SNAP29: variants seen among roughly 807,000 people sequenced by gnomAD.
SNAP29 encodes synaptosome associated protein 29, also known as synaptosomal-associated protein 29.
SNAP29 carries 13 observed loss-of-function variants against 27.9 expected under a neutral mutation model. That is an observed-to-expected ratio of 0.47 (90% CI 0.30 to 0.74). The LOEUF (loss-of-function observed/expected upper bound fraction) is 0.74. Among genes scored for constraint, SNAP29 ranks in the 30% least tolerant of loss-of-function variants. SNAP29 has a pLI of 0.06. For missense variants in SNAP29, 368 were observed against 336.5 expected, an observed-to-expected ratio of 1.09 and a Z score of -0.73; for synonymous variants, 119 against 127.1, an observed-to-expected ratio of 0.94 and a Z score of 0.43.
chr22:20,880,008 ATC>A (rs1928853805), intron 2 of SNAP29, among the ~76,000 whole-genome samples: 1 of 102,888 alleles, frequency 9.7e-6, no homozygotes, highest in Non-Finnish European at 2.0e-5. Context: ...GAGAGACCCT[ATC>A]TCAAACAACA....
At chr22:20,870,285 C>T in intron 1 of SNAP29, 52 bp from the exon 2 acceptor site, 2 of 1,573,262 alleles carry the variant, frequency 1.3e-6, no homozygotes, top group Non-Finnish European at 1.7e-6. Flanking sequence ...CTTGACTGCC[C>T]TGGGGGAGAG....
chr22:20,875,465 T>G (rs13054007), intron 2 of SNAP29, among the ~76,000 whole-genome samples: 3,771 of 152,180 alleles, frequency 0.025, 57 homozygotes, highest in Non-Finnish European at 0.039. Context: ...AGGCAGACAG[T>G]CCACAGGGAT....
At chr22:20,874,459 A>G (rs888981267) in intron 2 of SNAP29, among the ~76,000 whole-genome samples, 11 of 150,822 alleles carry the variant, frequency 7.3e-5, no homozygotes, top group African/African-American at 2.7e-4. Context: ...GCTGAGGTGG[A>G]CCCGACCTTT....
intron 2 of SNAP29, among the ~76,000 whole-genome samples, chr22:20,876,772 A>G (rs1003950183): frequency 1.3e-5 from 2 of 151,902 alleles, no homozygotes; most frequent in African/African-American, 2.4e-5. Context: ...GGGTTTCACC[A>G]TGTTAGCCAG....
chr22:20,867,129 AAGAG>A (rs1227465724), intron 1 of SNAP29, among the ~76,000 whole-genome samples: 6 of 152,206 alleles, frequency 3.9e-5, no homozygotes, highest in East Asian at 3.8e-4. Context: ...TTCGTGGACA[AAGAG>A]AGAACTCTTG....
At chr22:20,884,041 G>T (rs1379465767) in intron 4 of SNAP29, among the ~76,000 whole-genome samples, 1 of 152,110 alleles carries the variant, frequency 6.6e-6, no homozygotes, top group African/African-American at 2.4e-5. Context: ...AAACGGAAGG[G>T]TGTGCAGGGG....
At chr22:20,886,610 A>G (rs147722720) in intron 4 of SNAP29, among the ~76,000 whole-genome samples, 3 of 148,550 alleles carry the variant, frequency 2.0e-5, no homozygotes, top group African/African-American at 5.0e-5. Context: ...CACTCAGCCT[A>G]TCTTTTTATT....
intron 2 of SNAP29, among the ~76,000 whole-genome samples, chr22:20,871,893 AAT>A (rs1325130354): frequency 6.6e-6 from 1 of 152,112 alleles, no homozygotes; most frequent in East Asian, 1.9e-4. Context: ...AAAAAAAAAA[AAT>A]TCATGAGATT....
At chr22:20,868,464 C>T (rs1928512041) in intron 1 of SNAP29, among the ~76,000 whole-genome samples, 1 of 152,154 alleles carries the variant, frequency 6.6e-6, no homozygotes, top group Non-Finnish European at 1.5e-5. Context: ...AAATTTCACC[C>T]ATTAAACAAG....
chr22:20,870,486 G>A lies in SNAP29; in HGVS notation c.387G>A (p.Glu129=). The A allele has an allele frequency of 1.2e-6, 2 of 1,614,144 alleles. No homozygotes were observed. The highest frequency in any genetic ancestry group is 1.7e-6 in the Non-Finnish European group (2 of 1,180,038). Residue 129 remains glutamate, a synonymous_variant, in exon 2 of 5, where the codon GAG becomes GAA. Coordinates refer to ENST00000215730, the MANE Select transcript of SNAP29 (RefSeq NM_004782.4). ...LVNYFKSKPV[E]TPPEQNGTLT... ...ATTACTTCAAATCCAAACCAGTAGA[G>A]ACCCCACCTGAACAGAATGGCACCC...
chr22:20,874,613 CAG>C (rs1001994013), intron 2 of SNAP29, among the ~76,000 whole-genome samples: 1 of 150,740 alleles, frequency 6.6e-6, no homozygotes, highest in African/African-American at 2.4e-5. Flanking sequence ...GAGGGACCTG[CAG>C]AGTTGGCCCT....
chr22:20,879,885 G>A (rs1281087607), intron 2 of SNAP29, among the ~76,000 whole-genome samples: 3 of 151,014 alleles, frequency 2.0e-5, no homozygotes, highest in Non-Finnish European at 2.9e-5. Context: ...AGCCAGGCAG[G>A]GTGGTGAGTG....
Position 20,881,138 on chromosome 22 carries a change from A to G in SNAP29, c.520+4A>G. On this transcript the variant is annotated splice_donor_region_variant and intron_variant, in intron 3 of 4. Transcript: ENST00000215730. ...CTTAGAAAGCTGGATGATACAGGTA[A>G]GTGGATACCTGTGTGCACAGCCACA... 1.9e-6 allele frequency: 3 copies of G among 1,578,614 alleles called. No individual in the cohort carries two copies. The East Asian group carries it at 6.7e-5, about 35-fold the overall frequency.
intron 4 of SNAP29, among the ~76,000 whole-genome samples, chr22:20,885,102 C>CA (rs1217323141): frequency 1.3e-5 from 2 of 152,094 alleles, no homozygotes; most frequent in East Asian, 3.9e-4. Context: ...ATGGAAAAGT[C>CA]AGTTACTTGA....
At chr22:20,868,525 T>TTTATTTATAG (rs1251418402) in intron 1 of SNAP29, among the ~76,000 whole-genome samples, 1 of 152,226 alleles carries the variant, frequency 6.6e-6, no homozygotes, top group East Asian at 1.9e-4. Context: ...GCCACAACCA[T>TTTATTTATAG]TTATTTATAG....
intron 2 of SNAP29, among the ~76,000 whole-genome samples, chr22:20,871,249 G>A (rs1453818316): frequency 1.3e-5 from 2 of 151,218 alleles, no homozygotes; most frequent in Non-Finnish European, 2.9e-5. Flanking sequence ...CATGCTTTCA[G>A]AGGCTAAGGT....
intron 1 of SNAP29, among the ~76,000 whole-genome samples, chr22:20,860,365 CTTTTTCT>C (rs1928250778): frequency 9.7e-6 from 1 of 103,026 alleles, no homozygotes; most frequent in Non-Finnish European, 1.8e-5. Flanking sequence ...GGGTCTTTTT[CTTTTTCT>C]TTTTTTTTTT....
rs2147854209 is a variant in SNAP29, at chr22:20,859,055, G to C, written c.-56G>C. 2 of 1,459,332 alleles carry C rather than the reference G, an allele frequency of 1.4e-6. No individual in the cohort carries two copies. The highest frequency in any genetic ancestry group is 4.6e-5 in the East Asian group (2 of 43,100). 90.4% of individuals were successfully genotyped at this position (1,459,332 alleles called of 1,614,324 possible). On this transcript the variant is annotated 5_prime_UTR_variant, in exon 1 of 5. Coordinates refer to ENST00000215730, the MANE Select transcript of SNAP29 (RefSeq NM_004782.4). ...GGCGGGCGGGGCGAGGCCCTGGACG[G>C]CGGCGGCAGTGGGGCTCCTCCTTCT...
At position 20,887,873 on chromosome 22, in the gene SNAP29, T is replaced by A; in HGVS notation, c.*37T>A. ...TTTCCACTCTATTGTGATGAAAAGA[T>A]TTGAAAGATCTTTTTTTGAACTTCC... On this transcript the variant is annotated 3_prime_UTR_variant, in exon 5 of 5. Transcript: ENST00000215730. The A allele has an allele frequency of 5.6e-6, 9 of 1,599,944 alleles. No individual in the cohort carries two copies. The highest frequency in any genetic ancestry group is 7.7e-6 in the Non-Finnish European group (9 of 1,167,610).
Sources: allele counts gnomAD v4.1 joint callset (sites outside exome capture counted in the v4.1 genomes callset), GRCh38; gene constraint gnomAD v4.1.1; transcripts MANE v1.5; gene names NCBI Gene and HGNC (gene_info 2026-07-23, HGNC 2026-07-21).